SDK1: variants seen among roughly 807,000 people sequenced by gnomAD.
SDK1 encodes the protein sidekick cell adhesion molecule 1, also known as protein sidekick-1.
SDK1 carries 157 observed loss-of-function variants against 245.5 expected under a neutral mutation model. The ratio of observed to expected loss-of-function variants is 0.64; its 90% CI spans 0.56 to 0.73. The LOEUF (loss-of-function observed/expected upper bound fraction) is 0.73. Among genes scored for constraint, SDK1 ranks in the 30% least tolerant of loss-of-function variants. The probability of loss-of-function intolerance (pLI) is 0.00; values close to 1 mark genes in which losing one functional copy is unlikely to be tolerated. For synonymous variants in SDK1, 1,647 were observed against 1,278.5 expected (o/e 1.29, Z -6.15); for missense variants, 3,583 against 3,002.3 (o/e 1.19, Z -4.52).
At chr7:3,684,996 G>A (rs1784233599) in intron 4 of SDK1, among the ~76,000 whole-genome samples, 1 of 152,106 alleles carries the variant, frequency 6.6e-6, no homozygotes, top group South Asian at 2.1e-4. Context: ...GGACCTGTGG[G>A]ACAAGACTGA....
chr7:4,173,017 A>G (rs1216648593), intron 32 of SDK1, among the ~76,000 whole-genome samples: 2 of 152,198 alleles, frequency 1.3e-5, no homozygotes, highest in Non-Finnish European at 2.9e-5. Context: ...TTTTAGGGGG[A>G]CACAGTTCAA....
At chr7:4,117,725 G>C (rs1021442051) in intron 25 of SDK1, among the ~76,000 whole-genome samples, 1 of 152,176 alleles carries the variant, frequency 6.6e-6, no homozygotes, top group African/African-American at 2.4e-5. Flanking sequence ...CATCCAGTGT[G>C]TCTGCAGGTG....
intron 30 of SDK1, among the ~76,000 whole-genome samples, chr7:4,153,515 G>A (rs1006749155): frequency 7.2e-5 from 11 of 152,160 alleles, no homozygotes; most frequent in African/African-American, 2.4e-4. Context: ...GAACCTGAGC[G>A]GCGGAGATTG....
chr7:3,746,669 T>C (rs575158785), intron 4 of SDK1, among the ~76,000 whole-genome samples: 1 of 152,340 alleles, frequency 6.6e-6, no homozygotes, highest in East Asian at 1.9e-4. Flanking sequence ...AAGAAATACC[T>C]CATCATTGGT....
At chr7:4,224,131 G>A (rs2128233023) in intron 40 of SDK1, among the ~76,000 whole-genome samples, 1 of 152,332 alleles carries the variant, frequency 6.6e-6, no homozygotes, top group African/African-American at 2.4e-5. Flanking sequence ...GGAACCTGCA[G>A]GTGCCTCCAG....
chr7:3,992,949 C>G (rs1784450885), intron 14 of SDK1, among the ~76,000 whole-genome samples: 1 of 152,152 alleles, frequency 6.6e-6, no homozygotes, highest in Non-Finnish European at 1.5e-5. Context: ...CGTTTTGCAT[C>G]TATTTATAAA....
chr7:4,077,094 C>A lies in SDK1; in HGVS notation c.3107C>A (p.Ser1036Ter). ...CACGAGTACAAGATCCAAGGCCTCT[C>A]ATCTCTCACCACCTACACCATCGAC... ...TTHEYKIQGL[S>*]SLTTYTIDVA... Residue 1036 changes from serine to a stop codon, truncating the protein, a stop_gained, in exon 21 of 45, where the codon TCA (serine) becomes TAA (stop). Coordinates refer to ENST00000404826, the MANE Select transcript of SDK1 (RefSeq NM_152744.4). LOFTEE classifies it high-confidence loss of function. 6.2e-7 allele frequency: 1 copy of A among 1,614,230 alleles called. No homozygotes were observed. The highest frequency in any genetic ancestry group is 8.5e-7 in the Non-Finnish European group (1 of 1,180,032).
intron 14 of SDK1, among the ~76,000 whole-genome samples, chr7:3,999,595 C>T (rs1227428749): frequency 6.6e-6 from 1 of 152,080 alleles, no homozygotes; most frequent in Non-Finnish European, 1.5e-5. Context: ...GCCAAGGACT[C>T]CGAGGCTTGG....
intron 1 of SDK1, among the ~76,000 whole-genome samples, chr7:3,423,136 A>C (rs1400885031): frequency 6.6e-6 from 1 of 152,202 alleles, no homozygotes; most frequent in Non-Finnish European, 1.5e-5. Context: ...CCAGGTTGTA[A>C]AGAGAAAATA....
intron 31 of SDK1, 36 bp downstream of exon 31, chr7:4,158,587 G>A (rs200819949): frequency 3.8e-4 from 555 of 1,478,550 alleles, no homozygotes; most frequent in Admixed American, 9.2e-4. Context: ...GTTCCTGGCC[G>A]CTGCCCCTGG....
At chr7:3,764,585 G>C (rs1044164294) in intron 4 of SDK1, among the ~76,000 whole-genome samples, 6 of 152,110 alleles carry the variant, frequency 3.9e-5, no homozygotes, top group African/African-American at 7.2e-5. Context: ...GGGAGGCTGA[G>C]GCAAGAGAAT....
intron 4 of SDK1, among the ~76,000 whole-genome samples, chr7:3,773,066 G>T (rs925761428): frequency 6.6e-6 from 1 of 152,108 alleles, no homozygotes. Flanking sequence ...CTTCTTAGAT[G>T]TTTGTATTCA....
chr7:4,114,409 C>T, intron 25 of SDK1, 135 bp downstream of exon 25: 1 of 721,390 alleles, frequency 1.4e-6, no homozygotes, highest in Non-Finnish European at 2.2e-6. Flanking sequence ...CTTTCCTAAT[C>T]CCGGGTTTGG....
intron 1 of SDK1, among the ~76,000 whole-genome samples, chr7:3,395,697 C>G (rs1161790691): frequency 6.6e-6 from 1 of 151,878 alleles, no homozygotes; most frequent in African/African-American, 2.4e-5. Context: ...TTGAGATTTT[C>G]TATTCCTTCT....
At chr7:4,173,801 G>A (rs950470966) in intron 32 of SDK1, among the ~76,000 whole-genome samples, 2 of 152,242 alleles carry the variant, frequency 1.3e-5, no homozygotes, top group East Asian at 3.9e-4. Context: ...AGCCTGGATG[G>A]CCAGGGGAGT....
At position 3,541,821 on chromosome 7, in the gene SDK1, G is replaced by A. The variant is rs140606787; in HGVS notation, c.299-77259G>A. On this transcript the variant is annotated intron_variant, in intron 1 of 44. Coordinates refer to ENST00000404826, the MANE Select transcript of SDK1 (RefSeq NM_152744.4). ...GGTATTAACCCTGTGTGGTGTTGAA[G>A]AACCATTAAGCTTAAGAGTATTAAG... Among the ~76,000 whole-genome samples, 774 of 152,242 alleles carry A rather than the reference G, an allele frequency of 5.1e-3. 7 individuals are homozygous for A. The highest frequency in any genetic ancestry group is 0.013 in the African/African-American group (529 of 41,542).
intron 22 of SDK1, among the ~76,000 whole-genome samples, chr7:4,090,498 T>A (rs1054386675): frequency 6.6e-6 from 1 of 152,244 alleles, no homozygotes; most frequent in African/African-American, 2.4e-5. Context: ...TTGCTATCAT[T>A]GCTAATTTTG....
chr7:4,194,747 G>T (rs1292100611), intron 35 of SDK1, among the ~76,000 whole-genome samples: 1 of 152,056 alleles, frequency 6.6e-6, no homozygotes, highest in East Asian at 1.9e-4. Flanking sequence ...CCACATTAAG[G>T]GTGGGTCTGC....
chr7:3,986,924 A>G (rs1428858265), intron 13 of SDK1, among the ~76,000 whole-genome samples: 3 of 152,216 alleles, frequency 2.0e-5, no homozygotes, highest in Non-Finnish European at 4.4e-5. Flanking sequence ...TTTATGTGAC[A>G]GCGTCAGTAC....
Sources: allele counts gnomAD v4.1 joint callset (sites outside exome capture counted in the v4.1 genomes callset), GRCh38; gene constraint gnomAD v4.1.1; transcripts MANE v1.5; gene names NCBI Gene and HGNC (gene_info 2026-07-23, HGNC 2026-07-21).